TUBA1B: variants seen among roughly 807,000 people sequenced by gnomAD.
TUBA1B encodes the protein tubulin alpha-1B chain.
In TUBA1B, 1 loss-of-function variant was observed where a neutral mutation model predicts 34.4. The ratio of observed to expected loss-of-function variants is 0.03; its 90% CI spans 0.01 to 0.14. The LOEUF (loss-of-function observed/expected upper bound fraction) is 0.14, where lower values mean the gene tolerates loss of function less well. Ranked by LOEUF, TUBA1B falls within the 10% of genes least tolerant of loss-of-function variation. The pLI, the probability that TUBA1B is intolerant of heterozygous loss-of-function variation, is 1.00. For synonymous variants in TUBA1B, 197 were observed against 212.5 expected (o/e 0.93, Z 0.64); for missense variants, 54 against 583.6 (o/e 0.09, Z 9.35).
At position 49,129,489 on chromosome 12, in the gene TUBA1B, G is replaced by A. The variant is rs759692113; in HGVS notation, c.226+11C>T. The A allele has an allele frequency of 1.6e-5, 26 of 1,614,052 alleles. No homozygotes were observed. The highest frequency in any genetic ancestry group is 2.1e-5 in the Non-Finnish European group (25 of 1,180,032). On this transcript the variant is annotated intron_variant, in intron 2 of 3. Transcript: ENST00000336023. Reference sequence around the variant, plus strand: ...GCATCCTGGGATCTCAGGTTACTGAGGTCAACTCACCAATGACTGTGGGTT... The same window carrying A: ...GCATCCTGGGATCTCAGGTTACTGAAGTCAACTCACCAATGACTGTGGGTT...
chr12:49,131,155 CTGGCCTCTCGCCT>C, intron 1 of TUBA1B, 130 bp downstream of exon 1: 1 of 1,069,336 alleles, frequency 9.4e-7, no homozygotes. Flanking sequence ...CACTCCCGCC[CTGGCCTCTCGCCT>C]CGTTTTCCGC....
intron 1 of TUBA1B, 157 bp from the exon 2 acceptor site, chr12:49,129,879 CCA>C (rs946073894): frequency 1.6e-6 from 2 of 1,277,018 alleles, no homozygotes; most frequent in Non-Finnish European, 2.1e-6. Flanking sequence ...AGCCTAGGCT[CCA>C]GTCATCCCCC....
chr12:49,130,584 A>C (rs1165016962), intron 1 of TUBA1B: 1 of 349,862 alleles, frequency 2.9e-6, no homozygotes, highest in Admixed American at 3.8e-5. Flanking sequence ...CCTTACTGCC[A>C]CCACCTGCTC....
intron 1 of TUBA1B, 187 bp downstream of exon 1, chr12:49,131,111 G>A (rs904079863): frequency 3.3e-6 from 2 of 614,070 alleles, no homozygotes; most frequent in African/African-American, 1.9e-5. Context: ...CGACCTTTCC[G>A]GGCCCCCGCT....
Position 49,128,223 on chromosome 12 carries a change from G to A in TUBA1B, c.1091C>T (p.Pro364Leu). The A allele has an allele frequency of 6.2e-7, 1 of 1,614,188 alleles. No individual in the cohort carries two copies. Among genetic ancestry groups the A allele is most frequent in the Non-Finnish European group, 8.5e-7 (1 of 1,180,036 alleles). ...GINYQPPTVV[P>L]GGDLAKVQRA... ...CTGTACCTTGGCCAGGTCTCCACCA[G>A]GCACCACAGTGGGAGGCTGGTAGTT... Residue 364 changes from proline (P) to leucine (L), a missense_variant, in exon 4 of 4, where the codon CCT becomes CTT. By Grantham distance (98) the Pro-to-Leu change is moderately conservative (BLOSUM62 -3). Around this residue, in one of 3 missense-constraint regions of TUBA1B, gnomAD observed 20 missense variants for 362.8 expected, o/e 0.06. Transcript: ENST00000336023. The surrounding 1 kb of genome is among the most constrained non-coding windows in gnomAD (Gnocchi z 8.1).
intron 2 of TUBA1B, 44 bp from the exon 3 acceptor site, chr12:49,129,434 G>C: frequency 1.9e-6 from 3 of 1,613,946 alleles, no homozygotes; most frequent in Non-Finnish European, 2.5e-6. Flanking sequence ...TGAGTGACAA[G>C]AGAAGCCCCT....
chr12:49,130,344 T>C (rs532922072), intron 1 of TUBA1B: 2 of 1,289,200 alleles, frequency 1.6e-6, no homozygotes, highest in East Asian at 1.1e-4. Context: ...GGGGCGGGGC[T>C]CTGCGGCACA....
At chr12:49,131,105 C>T (rs1941802032) in intron 1 of TUBA1B, 193 bp downstream of exon 1, 2 of 604,716 alleles carry the variant, frequency 3.3e-6, no homozygotes, top group South Asian at 2.2e-5. Flanking sequence ...GCCCCTCGAC[C>T]TTTCCGGGCC....
At chr12:49,130,075 A>C in intron 1 of TUBA1B, 1 of 1,197,386 alleles carries the variant, frequency 8.4e-7, no homozygotes, top group Non-Finnish European at 1.1e-6. Flanking sequence ...ACTACTTTTG[A>C]GAACAGCTAC....
Position 49,128,234 on chromosome 12 carries a change from G to A in TUBA1B, c.1080C>T (p.Pro360=), listed in dbSNP as rs746042473. The A allele has an allele frequency of 1.2e-6, 2 of 1,614,188 alleles. No individual in the cohort carries two copies. Among genetic ancestry groups the A allele is most frequent in the Non-Finnish European group, 1.7e-6 (2 of 1,180,042 alleles). The change falls in exon 4 of 4, where the codon CCC becomes CCT. Residue 360 remains proline (P), a synonymous_variant. Transcript: ENST00000336023. The surrounding 1 kb of genome is among the most constrained non-coding windows in gnomAD (Gnocchi z 8.1). Reference sequence around the variant, plus strand: ...CCAGGTCTCCACCAGGCACCACAGTGGGAGGCTGGTAGTTGATGCCAACCT... The same window carrying A: ...CCAGGTCTCCACCAGGCACCACAGTAGGAGGCTGGTAGTTGATGCCAACCT... The part of the protein sequence containing the change: ...GFKVGINYQP[P]TVVPGGDLAK...
At chr12:49,131,122 A>AT in intron 1 of TUBA1B, 176 bp downstream of exon 1, 2 of 667,410 alleles carry the variant, frequency 3.0e-6, no homozygotes, top group Non-Finnish European at 5.0e-6. Context: ...GGCCCCCGCT[A>AT]TTTACACACA....
chr12:49,129,203 T>C (rs1369510576), intron 3 of TUBA1B, 39 bp downstream of exon 3: 1 of 1,612,554 alleles, frequency 6.2e-7, no homozygotes, highest in Non-Finnish European at 8.5e-7. Flanking sequence ...ACTGGAACTA[T>C]CACACCACAT....
intron 1 of TUBA1B, 176 bp downstream of exon 1, chr12:49,131,121 TA>T: frequency 1.5e-6 from 1 of 671,832 alleles, no homozygotes; most frequent in Non-Finnish European, 2.5e-6. Flanking sequence ...GGGCCCCCGC[TA>T]TTTACACACA....
chr12:49,130,419 T>A (rs1404341789), intron 1 of TUBA1B: 1 of 1,217,786 alleles, frequency 8.2e-7, no homozygotes, highest in Admixed American at 2.3e-5. Context: ...AGGCACGAAA[T>A]GGCCACGTCT....
Position 49,127,926 on chromosome 12 carries a change from T to C in TUBA1B, c.*32A>G, listed in dbSNP as rs772015637. On this transcript the variant is annotated 3_prime_UTR_variant, in exon 4 of 4. Transcript: ENST00000336023. ...AGCTGAAGCTGAAATTCTGGGAGCA[T>C]GACATGCTGCAGGGCCAAAAGGAAT... is the stretch of plus-strand genomic sequence containing the variant. The C allele has an allele frequency of 4.3e-6, 7 of 1,613,978 alleles. No homozygotes were observed. The highest frequency in any genetic ancestry group is 3.3e-5 in the South Asian group (3 of 91,068).
rs1253016545 is a variant in TUBA1B at position 49,129,035 on chromosome 12, A to G, written c.376-97T>C. 7 of 1,523,070 alleles carry G rather than the reference A, an allele frequency of 4.6e-6. No individual in the cohort carries two copies. In the African/African-American group the frequency reaches 9.7e-5, roughly 21 times the overall value. The allele number at this position is 1,523,070 out of a possible 1,614,324, so 94.3% of individuals were successfully genotyped here. A position where few individuals can be genotyped will look rare whatever the true frequency, so the allele number is the denominator to read the frequency against. The stretch of plus-strand genomic sequence containing the variant: ...TTAGATTACGAACCATATCTCACTG[A>G]TGTAAGCACAAGGAATTGGCAAAAC... On this transcript the variant is annotated intron_variant, in intron 3 of 3. Coordinates refer to ENST00000336023, the MANE Select transcript of TUBA1B (RefSeq NM_006082.3).
chr12:49,129,728 G>C lies in TUBA1B; in HGVS notation c.4-6C>G. On this transcript the variant is annotated splice_region_variant and splice_polypyrimidine_tract_variant and intron_variant, in intron 1 of 3. Transcript: ENST00000336023. ...TGGATGGAGATGCACTCACGCTGCG[G>C]GAAGGAAAAAAGATATCACAATTTA... The C allele has an allele frequency of 1.2e-6, 2 of 1,600,408 alleles. No homozygotes were observed. Among genetic ancestry groups the C allele is most frequent in the Middle Eastern group, 1.7e-4 (1 of 6,054 alleles).
rs185665089 is a variant in TUBA1B at position 49,129,964 on chromosome 12, T to C, written c.4-242A>G. The C allele has an allele frequency of 1.0e-3, 1,019 of 1,007,288 alleles. 4 individuals are homozygous for C. In the African/African-American group the frequency reaches 0.012, roughly 12 times the overall value. 62.4% of individuals were successfully genotyped at this position (1,007,288 alleles called of 1,614,324 possible). A position where few individuals can be genotyped will look rare whatever the true frequency, so the allele number is the denominator to read the frequency against. ...CTGGCTAATTTTTTCATTTTTTTTG[T>C]GGAGATGAGGTCTGGCTGTGTTACC... On this transcript the variant is annotated intron_variant, in intron 1 of 3. Transcript: ENST00000336023.
chr12:49,131,363 C>A lies in TUBA1B; in HGVS notation c.-63G>T. ...GACACCGGGTCCCGGTTACCGTCCC[C>A]GACAAGCTAAGAGTCGAGGTAAGTA... On this transcript the variant is annotated 5_prime_UTR_variant, in exon 1 of 4. Transcript: ENST00000336023. 2.5e-6 allele frequency: 4 copies of A among 1,595,276 alleles called. No homozygotes were observed. The highest frequency in any genetic ancestry group is 1.1e-5 in the South Asian group (1 of 89,044).
Sources: allele counts gnomAD v4.1 joint callset, GRCh38; gene constraint gnomAD v4.1.1; regional missense constraint gnomAD v4.1.1; non-coding constraint Gnocchi (gnomAD v3.1); transcripts MANE v1.5; gene names NCBI Gene and HGNC (gene_info 2026-07-23, HGNC 2026-07-21).